Variants in NLGN1 observed in about 807,000 individuals in gnomAD.
NLGN1 encodes the protein neuroligin 1, also known as neuroligin-1.
A neutral mutation model predicts 65.5 loss-of-function variants in NLGN1; 12 were observed. The observed-to-expected ratio is 0.18, with a 90% confidence interval of 0.12 to 0.30. NLGN1 has a LOEUF of 0.30. Among genes scored for constraint, NLGN1 ranks in the 10% least tolerant of loss-of-function variants. The pLI, the probability that NLGN1 is intolerant of heterozygous loss-of-function variation, is 1.00. For missense variants in NLGN1, 750 were observed against 1,007.1 expected (o/e 0.74, Z 3.46); for synonymous variants, 350 against 359.5 (o/e 0.97, Z 0.30).
chr3:173,753,300 C>T (rs1233970102), intron 3 of NLGN1, among the ~76,000 whole-genome samples: 1 of 152,078 alleles, frequency 6.6e-6, no homozygotes, highest in East Asian at 1.9e-4. Context: ...CTTGGATATC[C>T]AATAGTCATC....
At chr3:174,266,811 T>C (rs905997612) in intron 4 of NLGN1, among the ~76,000 whole-genome samples, 4 of 152,212 alleles carry the variant, frequency 2.6e-5, no homozygotes, top group Non-Finnish European at 5.9e-5. Flanking sequence ...TTTTGTATAT[T>C]ATAAATATTT....
intron 4 of NLGN1, among the ~76,000 whole-genome samples, chr3:174,084,142 G>A (rs1742810437): frequency 6.6e-6 from 1 of 152,046 alleles, no homozygotes; most frequent in Non-Finnish European, 1.5e-5. Flanking sequence ...GTGTGGGATG[G>A]GCTATGGAAA....
chr3:173,632,509 T>C (rs1755845383), intron 3 of NLGN1, among the ~76,000 whole-genome samples: 1 of 152,194 alleles, frequency 6.6e-6, no homozygotes, highest in African/African-American at 2.4e-5. Context: ...AACATACACA[T>C]ACTCAAAGAA....
exon 7 of NLGN1, chr3:174,281,336 G>A (rs1339803035): frequency 1.4e-6 from 2 of 1,383,198 alleles, no homozygotes. Flanking sequence ...TTTTTTTGAT[G>A]GATTGCAGTA....
chr3:174,079,619 G>A (rs1741722862), intron 4 of NLGN1, among the ~76,000 whole-genome samples: 1 of 152,134 alleles, frequency 6.6e-6, no homozygotes, highest in Admixed American at 6.6e-5. Flanking sequence ...CAAAAGCAAA[G>A]ACATGAAATC....
At chr3:173,505,254 CCA>C (rs1279089978) in intron 2 of NLGN1, among the ~76,000 whole-genome samples, 3 of 152,062 alleles carry the variant, frequency 2.0e-5, no homozygotes, top group African/African-American at 7.2e-5. Context: ...GTTCCAGTTT[CCA>C]CTGCTGTAAC....
intron 4 of NLGN1, among the ~76,000 whole-genome samples, chr3:173,993,867 G>T (rs1326870415): frequency 6.6e-6 from 1 of 151,334 alleles, no homozygotes; most frequent in Non-Finnish European, 1.5e-5. Flanking sequence ...ACATGCATTT[G>T]GTATGTGTTT....
At chr3:174,102,015 C>A (rs1349458376) in intron 4 of NLGN1, among the ~76,000 whole-genome samples, 1 of 152,058 alleles carries the variant, frequency 6.6e-6, no homozygotes, top group African/African-American at 2.4e-5. Context: ...GGCATGATCA[C>A]CACATTTTCA....
In NLGN1 at chr3:173,982,533, G is replaced by A. The variant is rs149528963; in HGVS notation, c.646+174701G>A. 1.6e-3 allele frequency among the ~76,000 whole-genome samples: 238 copies of A among 152,198 alleles called. 2 individuals are homozygous for A. The highest frequency in any genetic ancestry group is 5.3e-3 in the African/African-American group (220 of 41,534). ...TAAGGAGCCAGAGTATATCACGGAC[G>A]TAATAAATTTAGAATAAGGGCAGTT... is the stretch of plus-strand genomic sequence containing the variant. On this transcript the variant is annotated intron_variant, in intron 4 of 6. Transcript: ENST00000457714.
chr3:173,981,311 C>T (rs1718723024), intron 4 of NLGN1, among the ~76,000 whole-genome samples: 1 of 152,130 alleles, frequency 6.6e-6, no homozygotes, highest in African/African-American at 2.4e-5. Context: ...TTCTCATCCT[C>T]CTGTAGATTC....
intron 4 of NLGN1, among the ~76,000 whole-genome samples, chr3:173,838,725 A>C (rs1240075749): frequency 6.6e-6 from 1 of 152,224 alleles, no homozygotes; most frequent in Non-Finnish European, 1.5e-5. Context: ...AGAGTTTCAG[A>C]ATATTTCCAA....
At chr3:173,891,811 A>AGC (rs1735391775) in intron 4 of NLGN1, among the ~76,000 whole-genome samples, 1 of 152,224 alleles carries the variant, frequency 6.6e-6, no homozygotes, top group Non-Finnish European at 1.5e-5. Flanking sequence ...GAAACTCTCC[A>AGC]GCTCTGTCCT....
At chr3:173,980,490 A>G (rs1718537842) in intron 4 of NLGN1, among the ~76,000 whole-genome samples, 2 of 151,932 alleles carry the variant, frequency 1.3e-5, no homozygotes, top group South Asian at 4.1e-4. Flanking sequence ...CTTTTGTTTG[A>G]CATTTAGTTT....
chr3:173,829,951 G>A (rs1722166073), intron 4 of NLGN1, among the ~76,000 whole-genome samples: 1 of 148,200 alleles, frequency 6.7e-6, no homozygotes, highest in South Asian at 2.1e-4. Context: ...CCTGTTGAGT[G>A]GTCATAATAT....
chr3:173,734,075 TA>T (rs1773319933), intron 3 of NLGN1, among the ~76,000 whole-genome samples: 1 of 152,134 alleles, frequency 6.6e-6, no homozygotes. Flanking sequence ...TATTAAATAC[TA>T]AAGCTAATGA....
chr3:173,947,059 A>ATTTTT (rs63224363), intron 4 of NLGN1, among the ~76,000 whole-genome samples: 2 of 134,956 alleles, frequency 1.5e-5, no homozygotes, highest in Non-Finnish European at 3.1e-5. Flanking sequence ...AGTTGTTAGG[A>ATTTTT]TTTTTTTTTT....
At chr3:173,760,783 C>T (rs970932715) in intron 3 of NLGN1, among the ~76,000 whole-genome samples, 1 of 151,984 alleles carries the variant, frequency 6.6e-6, no homozygotes, top group Non-Finnish European at 1.5e-5. Flanking sequence ...ATATTCTGCC[C>T]TCAGTCACAG....
rs111498002 is a variant in NLGN1 at position 173,636,742 on chromosome 3, C to T, written c.493+31651C>T. Among the ~76,000 whole-genome samples the T allele has an allele frequency of 7.2e-5, 11 of 152,152 alleles. No homozygotes were observed. In the East Asian group the frequency reaches 2.1e-3, roughly 29 times the overall value. ...TGAAACAACATTAAGGATAGATTAT[C>T]TTGTATAAAGATAGATTATTTTGTA... On this transcript the variant is annotated intron_variant, in intron 3 of 6. Transcript: ENST00000457714.
At chr3:174,086,063 C>T (rs1011135428) in intron 4 of NLGN1, among the ~76,000 whole-genome samples, 5 of 151,504 alleles carry the variant, frequency 3.3e-5, no homozygotes, top group Admixed American at 6.6e-5. Flanking sequence ...AGTACAAAAA[C>T]GTATATATGA....
Sources: gnomAD v4.1 joint callset for allele counts (sites outside exome capture counted in the v4.1 genomes callset) on GRCh38, gnomAD v4.1.1 for gene constraint, MANE v1.5 for transcripts, NCBI Gene and HGNC (gene_info 2026-07-23, HGNC 2026-07-21) for gene names.